The following CELF4 variants were observed in gnomAD, a reference collection of about 807,000 sequenced individuals.
CELF4 encodes the protein CUG-BP- and ETR-3-like factor 4.
In CELF4, 18 loss-of-function variants were observed where a neutral mutation model predicts 59.9. The ratio of observed to expected loss-of-function variants is 0.30; its 90% CI spans 0.21 to 0.45. The LOEUF (loss-of-function observed/expected upper bound fraction) is 0.45, where lower values mean the gene tolerates loss of function less well. CELF4 is among the 20% of genes least tolerant of loss of function. CELF4 has a pLI of 1.00. For missense variants in CELF4, 456 were observed against 689.0 expected (o/e 0.66, Z 3.79); for synonymous variants, 261 against 267.1 (o/e 0.98, Z 0.22).
chr18:37,326,806 G>A (rs1045341327), intron 2 of CELF4, among the ~76,000 whole-genome samples: 1 of 152,060 alleles, frequency 6.6e-6, no homozygotes, highest in South Asian at 2.1e-4. Flanking sequence ...TTCCTCTTCC[G>A]CTCAGGCTCT....
chr18:37,524,892 G>A (rs1342458567), intron 1 of CELF4, among the ~76,000 whole-genome samples: 2 of 152,180 alleles, frequency 1.3e-5, no homozygotes, highest in Non-Finnish European at 2.9e-5. Flanking sequence ...GGGCGCGGGG[G>A]TCGCGGCGGC....
At chr18:37,345,836 C>G (rs149139966) in intron 2 of CELF4, among the ~76,000 whole-genome samples, 1 of 152,076 alleles carries the variant, frequency 6.6e-6, no homozygotes, top group Non-Finnish European at 1.5e-5. Context: ...CTGGGTCTCT[C>G]CTGCATACCT....
chr18:37,372,373 T>C (rs1357694047), intron 2 of CELF4, among the ~76,000 whole-genome samples: 1 of 152,070 alleles, frequency 6.6e-6, no homozygotes, highest in African/African-American at 2.4e-5. Flanking sequence ...GAGCAAACTA[T>C]CGCAAGGACA....
intron 2 of CELF4, among the ~76,000 whole-genome samples, chr18:37,373,591 G>A (rs2098929619): frequency 6.6e-6 from 1 of 152,218 alleles, no homozygotes; most frequent in South Asian, 2.1e-4. Context: ...GGAGCATTTA[G>A]GACCTGCATT....
intron 2 of CELF4, among the ~76,000 whole-genome samples, chr18:37,477,648 A>C (rs1360646990): frequency 6.6e-6 from 1 of 152,004 alleles, no homozygotes; most frequent in Non-Finnish European, 1.5e-5. Flanking sequence ...ACTCCTGGGC[A>C]CTTCCCTTCA....
In CELF4 at chr18:37,266,603, A is replaced by G. The variant is rs1569295018; in HGVS notation, c.1100-5T>C. Reference sequence around the variant, plus strand: ...CCGCGGCGGTGGGGCTCTGTGCTGTAGGGAGCCAAGGGGACAGAGGTCAGC... The same window carrying G: ...CCGCGGCGGTGGGGCTCTGTGCTGTGGGGAGCCAAGGGGACAGAGGTCAGC... On this transcript the variant is annotated splice_polypyrimidine_tract_variant and splice_region_variant and intron_variant, in intron 8 of 12. Transcript: ENST00000420428. The G allele has an allele frequency of 6.3e-7, 1 of 1,581,672 alleles. No homozygotes were observed. The highest frequency in any genetic ancestry group is 8.6e-7 in the Non-Finnish European group (1 of 1,165,104).
chr18:37,456,581 C>T (rs1179300147), intron 2 of CELF4, among the ~76,000 whole-genome samples: 1 of 152,144 alleles, frequency 6.6e-6, no homozygotes, highest in Non-Finnish European at 1.5e-5. Flanking sequence ...CACATCTTTC[C>T]CAAAAGGCTT....
intron 3 of CELF4, among the ~76,000 whole-genome samples, chr18:37,318,630 TCCC>T (rs11334635): frequency 1.5e-5 from 2 of 129,312 alleles, no homozygotes; most frequent in Non-Finnish European, 3.3e-5. Context: ...TCCCTACACC[TCCC>T]CCCCCCCCCA....
chr18:37,398,467 C>T (rs1266054042), intron 2 of CELF4, among the ~76,000 whole-genome samples: 2 of 152,218 alleles, frequency 1.3e-5, no homozygotes, highest in Non-Finnish European at 1.5e-5. Context: ...GAGGAGCAGA[C>T]ATCCTGCTGA....
intron 1 of CELF4, among the ~76,000 whole-genome samples, chr18:37,515,101 T>C (rs1256473017): frequency 1.3e-5 from 2 of 152,218 alleles, no homozygotes; most frequent in Non-Finnish European, 2.9e-5. Context: ...CTATTATTAT[T>C]TGATAACTCT....
At chr18:37,286,942 G>A (rs886172999) in intron 3 of CELF4, among the ~76,000 whole-genome samples, 1 of 152,126 alleles carries the variant, frequency 6.6e-6, no homozygotes, top group Non-Finnish European at 1.5e-5. Flanking sequence ...CCAGAAGAAC[G>A]TTGTCTTATG....
intron 1 of CELF4, among the ~76,000 whole-genome samples, chr18:37,502,651 A>T (rs1474657897): frequency 6.6e-6 from 1 of 152,030 alleles, no homozygotes; most frequent in African/African-American, 2.4e-5. Flanking sequence ...GCCCCTTGCC[A>T]GCTGCAGGGT....
intron 2 of CELF4, among the ~76,000 whole-genome samples, chr18:37,401,260 C>T (rs1014052498): frequency 1.3e-5 from 2 of 152,218 alleles, no homozygotes; most frequent in African/African-American, 2.4e-5. Context: ...CCCACCAGGT[C>T]ATCCTCTCCT....
chr18:37,326,120 G>A (rs890960521), intron 2 of CELF4, among the ~76,000 whole-genome samples: 1 of 152,162 alleles, frequency 6.6e-6, no homozygotes. Flanking sequence ...GAGGAGGCCG[G>A]GCCAGGCTGC....
intron 1 of CELF4, among the ~76,000 whole-genome samples, chr18:37,501,098 A>G (rs2099931362): frequency 6.6e-6 from 1 of 152,178 alleles, no homozygotes; most frequent in Non-Finnish European, 1.5e-5. Flanking sequence ...CTGGAGTGAG[A>G]GAAGGTGGGG....
intron 3 of CELF4, among the ~76,000 whole-genome samples, chr18:37,280,909 A>G (rs561218243): frequency 1.8e-4 from 28 of 152,312 alleles, no homozygotes; most frequent in African/African-American, 6.3e-4. Context: ...TTCACAACCT[A>G]TAAAAAGCAT....
At chr18:37,287,546 T>G (rs1216632870) in intron 3 of CELF4, among the ~76,000 whole-genome samples, 1 of 152,204 alleles carries the variant, frequency 6.6e-6, no homozygotes, top group Non-Finnish European at 1.5e-5. Context: ...TCCTCCTCTC[T>G]CTTCCCCTGT....
At chr18:37,283,953 C>G (rs9797470) in intron 3 of CELF4, among the ~76,000 whole-genome samples, 352 of 808 alleles carry the variant, frequency 0.44, 108 homozygotes, top group Middle Eastern at 1. Context: ...CACGCATATA[C>G]CCCTACATAC....
intron 2 of CELF4, among the ~76,000 whole-genome samples, chr18:37,480,843 A>G (rs1410862171): frequency 7.2e-5 from 11 of 152,184 alleles, no homozygotes; most frequent in South Asian, 2.1e-4. Context: ...ATGGGGGCAC[A>G]AAGAGAAGAA....
Sources: gnomAD v4.1 joint callset for allele counts (sites outside exome capture counted in the v4.1 genomes callset) on GRCh38, gnomAD v4.1.1 for gene constraint, MANE v1.5 for transcripts, NCBI Gene and HGNC (gene_info 2026-07-23, HGNC 2026-07-21) for gene names.